TNFAIP8L3: variants seen among roughly 807,000 people sequenced by gnomAD.
TNFAIP8L3 encodes the protein TNF alpha induced protein 8 like 3.
TNFAIP8L3 carries 7 observed loss-of-function variants against 11.8 expected under a neutral mutation model. The observed-to-expected ratio is 0.59, with a 90% CI of 0.34 to 1.11. TNFAIP8L3 has a LOEUF of 1.11. Among genes scored for constraint, TNFAIP8L3 ranks in the 50% most tolerant of loss-of-function variants. The pLI, the probability that TNFAIP8L3 is intolerant of heterozygous loss-of-function variation, is 0.03. For synonymous variants in TNFAIP8L3, 98 were observed against 103.8 expected (o/e 0.94, Z 0.34); for missense variants, 219 against 258.6 (o/e 0.85, Z 1.05).
At chr15:51,087,931 A>G (rs1595617511) in intron 1 of TNFAIP8L3, among the ~76,000 whole-genome samples, 1 of 138,602 alleles carries the variant, frequency 7.2e-6, no homozygotes, top group African/African-American at 2.7e-5. Flanking sequence ...ATATATATAT[A>G]TATATATATA....
rs777937591 is a variant in TNFAIP8L3 at position 51,058,404 on chromosome 15, G to A, written c.92C>T (p.Ala31Val). The A allele has an allele frequency of 6.2e-7, 1 of 1,610,984 alleles. No individual in the cohort carries two copies. The highest frequency in any genetic ancestry group is 8.5e-7 in the Non-Finnish European group (1 of 1,179,400). ...TATTTTGCTCAGAATCTTCTTCTGG[G>A]CTTGAAGCGCAAGACTCTTTGAACT... ...VFSSKSLALQ[A>V]QKKILSKIAS... The change falls in exon 2 of 2, where the codon GCC becomes GTC. Residue 31 changes from alanine (A) to valine (V), a missense_variant. Physicochemically the swap from Ala to Val is moderately conservative, Grantham distance 64. Transcript: ENST00000637513.
rs74702036 is a variant in TNFAIP8L3 at position 51,094,471 on chromosome 15, C to T, written c.52+73G>A. 11,855 of 1,371,382 alleles carry T rather than the reference C, an allele frequency of 8.6e-3. 902 individuals carry two copies. In the African/African-American group the frequency reaches 0.17, roughly 19 times the overall value. The allele number at this position is 1,371,382 out of a possible 1,614,324, so 85.0% of individuals were successfully genotyped here. ...GTCGGGCTGCTGAGGATCGGCTTCC[C>T]GATTTCATGCCCCAGCCTCCCGTCC... On this transcript the variant is annotated intron_variant, in intron 1 of 1. Transcript: ENST00000637513. This position sits in a 1 kb window ranked among gnomAD's most constrained non-coding sequence, Gnocchi z 4.4.
upstream of TNFAIP8L3, among the ~76,000 whole-genome samples, chr15:51,096,330 G>A (rs2065513527): frequency 6.6e-6 from 1 of 152,204 alleles, no homozygotes; most frequent in Admixed American, 6.5e-5. Context: ...AGTGATACAA[G>A]TTGGATGGAT....
upstream of TNFAIP8L3, among the ~76,000 whole-genome samples, chr15:51,097,357 T>G (rs993142076): frequency 2.0e-5 from 3 of 152,198 alleles, no homozygotes; most frequent in African/African-American, 4.8e-5. Flanking sequence ...TCGTCAGGTC[T>G]TCATTAAGTA....
intron 1 of TNFAIP8L3, among the ~76,000 whole-genome samples, chr15:51,078,661 T>C (rs1022912603): frequency 3.3e-5 from 5 of 151,736 alleles, no homozygotes; most frequent in African/African-American, 1.2e-4. Context: ...TCCCTCCCCC[T>C]CCACATTCAA....
At chr15:51,076,578 C>G (rs2065351686) in intron 1 of TNFAIP8L3, among the ~76,000 whole-genome samples, 1 of 152,208 alleles carries the variant, frequency 6.6e-6, no homozygotes, top group Admixed American at 6.5e-5. Flanking sequence ...TGTGGTCACT[C>G]AAAGATGCTG....
intron 1 of TNFAIP8L3, among the ~76,000 whole-genome samples, chr15:51,082,210 A>G (rs2065397630): frequency 6.6e-6 from 1 of 152,190 alleles, no homozygotes; most frequent in African/African-American, 2.4e-5. Flanking sequence ...TAGATGGTCA[A>G]GCCCACTACC....
At chr15:51,072,536 G>C (rs1385031605) in intron 1 of TNFAIP8L3, among the ~76,000 whole-genome samples, 1 of 152,058 alleles carries the variant, frequency 6.6e-6, no homozygotes, top group East Asian at 1.9e-4. Flanking sequence ...CTTGCCATGA[G>C]GTGATAAAAG....
chr15:51,081,901 C>T (rs2065395128), intron 1 of TNFAIP8L3, among the ~76,000 whole-genome samples: 1 of 152,312 alleles, frequency 6.6e-6, no homozygotes, highest in East Asian at 1.9e-4. Context: ...ATCATTCTCC[C>T]TCTCTTATTC....
intron 1 of TNFAIP8L3, among the ~76,000 whole-genome samples, chr15:51,068,149 A>T (rs1427262654): frequency 6.6e-6 from 1 of 152,162 alleles, no homozygotes; most frequent in Non-Finnish European, 1.5e-5. Flanking sequence ...ACAGGGAGAG[A>T]GCAGAGTAAG....
At chr15:51,078,996 A>G (rs548023326) in intron 1 of TNFAIP8L3, among the ~76,000 whole-genome samples, 2 of 152,142 alleles carry the variant, frequency 1.3e-5, no homozygotes, top group Non-Finnish European at 2.9e-5. Context: ...GCAGGCTTCG[A>G]TGATGCTGCT....
chr15:51,098,543 A>G (rs577337802), upstream of TNFAIP8L3, among the ~76,000 whole-genome samples: 4 of 152,332 alleles, frequency 2.6e-5, no homozygotes, highest in African/African-American at 9.6e-5. Context: ...ACATGGTGCT[A>G]GAAGACAGCC....
At position 51,094,051 on chromosome 15, in the gene TNFAIP8L3, C is replaced by T. The variant is rs1341282989; in HGVS notation, c.52+493G>A. Among the ~76,000 whole-genome samples the T allele has an allele frequency of 6.6e-6, 1 of 152,206 alleles. No homozygotes were observed. The highest frequency in any genetic ancestry group is 1.9e-4 in the East Asian group (1 of 5,138). On this transcript the variant is annotated intron_variant, in intron 1 of 1. Coordinates refer to ENST00000637513, the MANE Select transcript of TNFAIP8L3 (RefSeq NM_001311175.2). The surrounding 1 kb of genome is among the most constrained non-coding windows in gnomAD (Gnocchi z 4.4). ...GGGCTCTCCTAGCAGCCTCGGGAAC[C>T]GCGGCCGCAAGCTGTGGTTTGACCC...
At chr15:51,086,529 G>A (rs1407459308) in intron 1 of TNFAIP8L3, among the ~76,000 whole-genome samples, 1 of 152,208 alleles carries the variant, frequency 6.6e-6, no homozygotes, top group Non-Finnish European at 1.5e-5. Context: ...ACAGCCTGGT[G>A]GCATCCGTGA....
chr15:51,059,137 G>A (rs1294583272), intron 1 of TNFAIP8L3, among the ~76,000 whole-genome samples: 1 of 152,170 alleles, frequency 6.6e-6, no homozygotes, highest in African/African-American at 2.4e-5. Context: ...GAATACTCTT[G>A]ATGGCATAGA....
intron 1 of TNFAIP8L3, among the ~76,000 whole-genome samples, chr15:51,101,562 A>T (rs976625826): frequency 6.6e-6 from 1 of 151,692 alleles, no homozygotes. Flanking sequence ...TTGAGGTTGC[A>T]GTTAGCTGAG....
At chr15:51,096,339 A>G (rs2065513603), upstream of TNFAIP8L3, among the ~76,000 whole-genome samples, 1 of 152,216 alleles carries the variant, frequency 6.6e-6, no homozygotes, top group Non-Finnish European at 1.5e-5. Context: ...AGTTGGATGG[A>G]TATTGATGAA....
At chr15:51,068,660 GTTTT>G (rs113982459) in intron 1 of TNFAIP8L3, among the ~76,000 whole-genome samples, 9 of 116,370 alleles carry the variant, frequency 7.7e-5, no homozygotes, top group Non-Finnish European at 1.1e-4. Flanking sequence ...CACCCCTCCT[GTTTT>G]TTTTTTTTTT....
chr15:51,085,228 T>C (rs937323500), intron 1 of TNFAIP8L3, among the ~76,000 whole-genome samples: 1 of 152,162 alleles, frequency 6.6e-6, no homozygotes, highest in Non-Finnish European at 1.5e-5. Context: ...TAAAATGTAA[T>C]TGGAGAACTA....
Sources: gnomAD v4.1 joint callset for allele counts (sites outside exome capture counted in the v4.1 genomes callset) on GRCh38, gnomAD v4.1.1 for gene constraint, Gnocchi (gnomAD v3.1) non-coding constraint, MANE v1.5 for transcripts, NCBI Gene and HGNC (gene_info 2026-07-23, HGNC 2026-07-21) for gene names.